CIB3: variants seen among roughly 807,000 people sequenced by gnomAD.
CIB3 encodes the protein calcium and integrin binding family member 3.
A neutral mutation model predicts 23.4 loss-of-function variants in CIB3; 22 were observed. That is an observed-to-expected ratio of 0.94 (90% confidence interval 0.67 to 1.34). The LOEUF (loss-of-function observed/expected upper bound fraction) is 1.34, where lower values mean the gene tolerates loss of function less well. CIB3 is among the 40% of genes most tolerant of loss of function. CIB3 has a pLI of 0.00. For synonymous variants in CIB3, 93 were observed against 95.8 expected, an observed-to-expected ratio of 0.97 and a Z score of 0.17; for missense variants, 258 against 247.3, an observed-to-expected ratio of 1.04 and a Z score of -0.29.
intron 4 of CIB3, among the ~76,000 whole-genome samples, chr19:16,167,486 G>T (rs1478115365): frequency 1.3e-5 from 2 of 152,074 alleles, no homozygotes; most frequent in South Asian, 2.1e-4. Context: ...ATGGTGGGAT[G>T]GGGGGATGAA....
Position 16,168,191 on chromosome 19 carries a change from T to C in CIB3, c.292A>G (p.Met98Val), listed in dbSNP as rs780301223. Residue 98 changes from methionine (M) to valine (V), a missense_variant, in exon 4 of 6, where the codon ATG (methionine) becomes GTG (valine). Transcript: ENST00000269878. Reference sequence around the variant, plus strand: ...AGGTCGCGGGGAGCCATTTCACTCATCACGGAAAACATGTCCAAAAAGTTG... The same window carrying C: ...AGGTCGCGGGGAGCCATTTCACTCACCACGGAAAACATGTCCAAAAAGTTG... ...LDNFLDMFSVMSEMAPRDLKA... is the reference protein window; with the variant it reads ...LDNFLDMFSVVSEMAPRDLKA... 1.2e-6 allele frequency: 2 copies of C among 1,609,984 alleles called. No homozygotes were observed. The highest frequency in any genetic ancestry group is 1.7e-6 in the Non-Finnish European group (2 of 1,177,838).
intron 2 of CIB3, among the ~76,000 whole-genome samples, chr19:16,172,787 T>TA (rs919467985): frequency 3.3e-5 from 5 of 151,516 alleles, no homozygotes; most frequent in Admixed American, 1.3e-4. Flanking sequence ...CCCATCTCTA[T>TA]AAAAAAATAC....
intron 2 of CIB3, among the ~76,000 whole-genome samples, chr19:16,171,148 A>G (rs940540786): frequency 6.6e-6 from 1 of 152,030 alleles, no homozygotes; most frequent in African/African-American, 2.4e-5. Flanking sequence ...AATAAAAAAA[A>G]TAAATAAATA....
chr19:16,170,781 C>T (rs1183355698), intron 2 of CIB3, among the ~76,000 whole-genome samples: 1 of 151,362 alleles, frequency 6.6e-6, no homozygotes, highest in Non-Finnish European at 1.5e-5. Flanking sequence ...GAGATCGTGT[C>T]ACTGCACTCC....
chr19:16,168,273 G>A lies in CIB3; in HGVS notation c.210C>T (p.Phe70=), dbSNP rs369943654. Residue 70 remains phenylalanine (F), a synonymous_variant, in exon 4 of 6, where the codon TTC becomes TTT. Transcript: ENST00000269878. ...GSMPELKDNP[F]RQRIAQVFSE... ...AGAATACCTGGGCAATCCTCTGGCG[G>A]AAGGGGTTGTCCTGGGGACAGAAAG... The A allele has an allele frequency of 3.7e-6, 6 of 1,613,732 alleles. No homozygotes were observed. In the African/African-American group the frequency reaches 8.0e-5, roughly 22 times the overall value.
intron 2 of CIB3, 76 bp downstream of exon 2, chr19:16,173,084 ACC>A: frequency 3.3e-6 from 5 of 1,508,048 alleles, no homozygotes; most frequent in African/African-American, 1.4e-5. Flanking sequence ...ACACACACAC[ACC>A]AAATTGCAAA....
chr19:16,167,222 C>CAA (rs144580957), intron 4 of CIB3, among the ~76,000 whole-genome samples: 6 of 146,676 alleles, frequency 4.1e-5, no homozygotes, highest in East Asian at 2.0e-4. Flanking sequence ...CTTTGTCTCA[C>CAA]AAAAAAAAAA....
At chr19:16,162,949 C>T (rs2091291053) in intron 5 of CIB3, among the ~76,000 whole-genome samples, 1 of 135,086 alleles carries the variant, frequency 7.4e-6, no homozygotes, top group African/African-American at 2.9e-5. Context: ...GTGGCGCAAT[C>T]GTGGCTCACT....
chr19:16,164,956 G>A (rs2145078614), intron 4 of CIB3, 43 bp from the exon 5 acceptor site: 1 of 1,565,644 alleles, frequency 6.4e-7, no homozygotes, highest in Non-Finnish European at 8.8e-7. Flanking sequence ...GGTGGCAGGA[G>A]GGCTAGGCCG....
chr19:16,168,390 C>T, intron 3 of CIB3, 106 bp from the exon 4 acceptor site: 2 of 1,451,914 alleles, frequency 1.4e-6, no homozygotes, highest in Non-Finnish European at 9.3e-7. Context: ...TCCAAGTACC[C>T]TCCATCAAGA....
intron 4 of CIB3, among the ~76,000 whole-genome samples, chr19:16,167,074 A>G (rs1202484023): frequency 2.0e-5 from 3 of 152,134 alleles, no homozygotes; most frequent in Non-Finnish European, 4.4e-5. Flanking sequence ...AAAATTAGTC[A>G]GGCGTTGTGG....
At chr19:16,167,722 C>T (rs1291908417) in intron 4 of CIB3, among the ~76,000 whole-genome samples, 1 of 152,104 alleles carries the variant, frequency 6.6e-6, no homozygotes, top group Non-Finnish European at 1.5e-5. Context: ...ATCCCAGCTA[C>T]TCGGAAGGCT....
chr19:16,164,966 G>T, intron 4 of CIB3, 53 bp from the exon 5 acceptor site: 2 of 1,484,008 alleles, frequency 1.3e-6, no homozygotes, highest in Non-Finnish European at 1.9e-6. Context: ...GGGCTAGGCC[G>T]GCTGTGGGCA....
intron 5 of CIB3, among the ~76,000 whole-genome samples, chr19:16,163,230 G>A (rs920421418): frequency 2.6e-5 from 4 of 152,154 alleles, no homozygotes; most frequent in Non-Finnish European, 5.9e-5. Flanking sequence ...ATGCACTGCA[G>A]TCTGGGTCAC....
Position 16,164,902 on chromosome 19 carries a change from C to T in CIB3, c.358G>A (p.Asp120Asn), listed in dbSNP as rs1555719965. The T allele has an allele frequency of 8.7e-6, 14 of 1,613,868 alleles. No homozygotes were observed. The highest frequency in any genetic ancestry group is 6.7e-5 in the Admixed American group (4 of 59,962). The change falls in exon 5 of 6, where the codon GAC (aspartate) becomes AAC (asparagine). Residue 120 changes from aspartate to asparagine, a missense_variant. Coordinates refer to ENST00000269878, the MANE Select transcript of CIB3 (RefSeq NM_054113.4). ...YAFKIYDFNN[D>N]DYICAWDLEQ... ...AGGTCCCACGCACAAATGTAGTCGT[C>T]GTTGTTAAAATCTGCAGAGCAGGAT...
intron 2 of CIB3, among the ~76,000 whole-genome samples, chr19:16,172,258 A>G (rs1274958787): frequency 6.6e-6 from 1 of 152,214 alleles, no homozygotes; most frequent in East Asian, 1.9e-4. Flanking sequence ...AGGTTCAAGC[A>G]ATTCTCCTGC....
intron 2 of CIB3, among the ~76,000 whole-genome samples, chr19:16,171,913 C>T (rs1272927504): frequency 6.6e-6 from 1 of 152,262 alleles, no homozygotes; most frequent in Non-Finnish European, 1.5e-5. Context: ...GAACCCTGGC[C>T]AGCTTGGGTT....
intron 2 of CIB3, among the ~76,000 whole-genome samples, chr19:16,170,827 A>C (rs954330211): frequency 1.3e-5 from 2 of 151,076 alleles, no homozygotes; most frequent in African/African-American, 4.9e-5. Flanking sequence ...TGTCTCAAAA[A>C]AAAAAAAGAA....
intron 2 of CIB3, among the ~76,000 whole-genome samples, chr19:16,170,279 G>T (rs1368753249): frequency 6.6e-6 from 1 of 152,172 alleles, no homozygotes; most frequent in Non-Finnish European, 1.5e-5. Context: ...AGACTGGACT[G>T]GGGGAAGCAA....
Sources: gnomAD v4.1 joint callset for allele counts (sites outside exome capture counted in the v4.1 genomes callset) on GRCh38, gnomAD v4.1.1 for gene constraint, MANE v1.5 for transcripts, NCBI Gene and HGNC (gene_info 2026-07-23, HGNC 2026-07-21) for gene names.